TFB1M: variants seen among roughly 807,000 people sequenced by gnomAD.
The protein encoded by TFB1M is dimethyladenosine transferase 1, mitochondrial.
A neutral mutation model predicts 31.1 loss-of-function variants in TFB1M; 27 were observed. The ratio of observed to expected loss-of-function variants is 0.87; its 90% confidence interval spans 0.64 to 1.20. TFB1M has a LOEUF of 1.20. Ranked by LOEUF, TFB1M falls within the 50% of genes most tolerant of loss-of-function variation. TFB1M has a pLI of 0.00. For synonymous variants in TFB1M, 166 were observed against 151.8 expected (o/e 1.09, Z -0.69); for missense variants, 394 against 418.7 (o/e 0.94, Z 0.51).
chr6:155,297,591 ATCT>A (rs1311616007), intron 3 of TFB1M, among the ~76,000 whole-genome samples: 1 of 152,190 alleles, frequency 6.6e-6, no homozygotes, highest in East Asian at 1.9e-4. Context: ...AGAAACAACA[ATCT>A]GTACAAAGTG....
At chr6:155,281,813 A>AT (rs1422172013) in intron 5 of TFB1M, among the ~76,000 whole-genome samples, 1 of 82,556 alleles carries the variant, frequency 1.2e-5, no homozygotes, top group Non-Finnish European at 2.8e-5. Context: ...GCCTATCACC[A>AT]TAATTCATAA....
At chr6:155,255,757 T>C (rs1783964067), downstream of TFB1M, 1 of 152,330 alleles carries the variant, frequency 6.6e-6, no homozygotes, top group Admixed American at 6.5e-5. Context: ...CCCAGCACTT[T>C]GGGAGGCCAA....
intron 4 of TFB1M, among the ~76,000 whole-genome samples, chr6:155,288,290 C>T (rs1439106108): frequency 3.3e-5 from 5 of 151,854 alleles, no homozygotes; most frequent in Non-Finnish European, 5.9e-5. Context: ...ATTGGGATGC[C>T]GTACTCAAGA....
intron 2 of TFB1M, among the ~76,000 whole-genome samples, chr6:155,307,144 C>CAT (rs1235845082): frequency 2.0e-5 from 3 of 151,010 alleles, no homozygotes; most frequent in African/African-American, 7.3e-5. Context: ...CATACACACA[C>CAT]ACACACACAC....
chr6:155,259,815 T>TGGC (rs1427263638), intron 6 of TFB1M, among the ~76,000 whole-genome samples: 2 of 152,230 alleles, frequency 1.3e-5, no homozygotes, highest in East Asian at 3.8e-4. Flanking sequence ...GAGAGCCTCT[T>TGGC]GGCAGCAGCA....
intron 5 of TFB1M, among the ~76,000 whole-genome samples, chr6:155,274,348 G>C (rs6557414): frequency 0.66 from 99,813 of 152,122 alleles, 33,511 homozygotes; most frequent in East Asian, 0.98. Flanking sequence ...AGATGGAATC[G>C]AAAGCCTTTT....
chr6:155,277,780 CAA>C (rs1785289076), intron 5 of TFB1M, among the ~76,000 whole-genome samples: 2 of 152,104 alleles, frequency 1.3e-5, no homozygotes, highest in South Asian at 4.1e-4. Flanking sequence ...ATTTTATACA[CAA>C]GTGTCATACT....
chr6:155,293,887 C>G (rs941917144), intron 4 of TFB1M, among the ~76,000 whole-genome samples: 3 of 152,026 alleles, frequency 2.0e-5, no homozygotes, highest in African/African-American at 7.2e-5. Flanking sequence ...TTTTTTGACT[C>G]TATGCAAACT....
downstream of TFB1M, chr6:155,254,052 G>A (rs148696218): frequency 1.4e-5 from 23 of 1,613,908 alleles, no homozygotes; most frequent in Middle Eastern, 1.6e-4. Context: ...TCTTTCAGTT[G>A]TGTTGCAGGT....
At chr6:155,290,602 T>C (rs144443428) in intron 4 of TFB1M, among the ~76,000 whole-genome samples, 3 of 152,170 alleles carry the variant, frequency 2.0e-5, no homozygotes, top group East Asian at 3.9e-4. Context: ...AGAAAAAGAA[T>C]TGCATATGGT....
chr6:155,303,394 T>C (rs561107739), intron 2 of TFB1M: 2 of 152,352 alleles, frequency 1.3e-5, no homozygotes, highest in East Asian at 1.9e-4. Context: ...TTGTCTTTTA[T>C]AGCTTTCTGT....
In TFB1M at chr6:155,273,221, G is replaced by C. The variant is rs1351677894; in HGVS notation, c.666+11937C>G. Among the ~76,000 whole-genome samples, 6 of 152,174 alleles carry C rather than the reference G, an allele frequency of 3.9e-5. No individual in the cohort carries two copies. In the East Asian group the frequency reaches 1.2e-3, roughly 29 times the overall value. On this transcript the variant is annotated intron_variant, in intron 5 of 6. Transcript: ENST00000367166. ...TATTTTGGTCTAAGTTTGGAAAACAGAAAAGAAACTGTATGATAGCAGGTG... is the reference window on the plus strand; with the variant it reads ...TATTTTGGTCTAAGTTTGGAAAACACAAAAGAAACTGTATGATAGCAGGTG...
At chr6:155,287,665 A>G (rs938253573) in intron 4 of TFB1M, among the ~76,000 whole-genome samples, 5 of 152,030 alleles carry the variant, frequency 3.3e-5, no homozygotes, top group Non-Finnish European at 7.4e-5. Flanking sequence ...CAACTCATAG[A>G]AGGGAAAGAA....
chr6:155,285,435 G>C (rs1562406597), intron 4 of TFB1M, among the ~76,000 whole-genome samples, 158 bp from the exon 5 acceptor site: 1 of 152,152 alleles, frequency 6.6e-6, no homozygotes, highest in Non-Finnish European at 1.5e-5. Flanking sequence ...CAAACATGGG[G>C]AATATTTTCC....
chr6:155,306,838 T>C (rs1772465864), intron 2 of TFB1M, among the ~76,000 whole-genome samples: 1 of 152,130 alleles, frequency 6.6e-6, no homozygotes, highest in Admixed American at 6.5e-5. Context: ...AAAACTCAGT[T>C]AACTGGACGC....
At chr6:155,234,604 T>C in the TFB1M span, among the ~76,000 whole-genome samples, 1 of 152,188 alleles carries the variant, frequency 6.6e-6, no homozygotes, top group Non-Finnish European at 1.5e-5. Context: ...GGGTTTCCCT[T>C]ATGTTGTTCA....
the TFB1M span, chr6:155,247,875 T>A: frequency 2.4e-6 from 3 of 1,242,090 alleles, no homozygotes; most frequent in East Asian, 7.1e-5. Context: ...TGTGTTGGGG[T>A]TTTCATTAAA....
the TFB1M span, chr6:155,240,817 A>AG: frequency 3.2e-4 from 367 of 1,146,398 alleles, no homozygotes; most frequent in African/African-American, 3.9e-3. Flanking sequence ...GCCACTCCCC[A>AG]GGGGGGGACA....
chr6:155,293,625 C>T (rs1343795058), intron 4 of TFB1M, among the ~76,000 whole-genome samples: 2 of 151,964 alleles, frequency 1.3e-5, no homozygotes, highest in Non-Finnish European at 2.9e-5. Flanking sequence ...ATCATTTTTC[C>T]TTCTGGGGCT....
Sources: gnomAD v4.1 joint callset for allele counts (sites outside exome capture counted in the v4.1 genomes callset) on GRCh38, gnomAD v4.1.1 for gene constraint, MANE v1.5 for transcripts, NCBI Gene and HGNC (gene_info 2026-07-23, HGNC 2026-07-21) for gene names.